The following VWA8 variants were observed in gnomAD, a reference collection of about 807,000 sequenced individuals.
The protein encoded by VWA8 is von Willebrand factor A domain-containing protein 8.
In VWA8, 221 loss-of-function variants were observed where a neutral mutation model predicts 241.5. That is an observed-to-expected ratio of 0.91 (90% CI 0.82 to 1.02). VWA8 has a LOEUF of 1.02. Among genes scored for constraint, VWA8 ranks in the 50% least tolerant of loss-of-function variants. The pLI, the probability that VWA8 is intolerant of heterozygous loss-of-function variation, is 0.00. For synonymous variants in VWA8, 852 were observed against 827.1 expected (o/e 1.03, Z -0.52); for missense variants, 2,322 against 2,328.7 (o/e 1.00, Z 0.06).
chr13:41,590,829 T>C (rs2044449990), intron 40 of VWA8, 64 bp from the exon 41 acceptor site: 3 of 1,580,750 alleles, frequency 1.9e-6, no homozygotes, highest in Admixed American at 1.7e-5. Context: ...TGACATACTT[T>C]GTGCATGAAT....
In VWA8 at chr13:41,881,371, C is replaced by G. The variant is rs1190067143; in HGVS notation, c.1080+2016G>C. ...ACTAGAACATCATAGTTTTTTTTTGCCGGGGGGGGGGGGGGGGGGGTAAGG... is the reference window on the plus strand; with the variant it reads ...ACTAGAACATCATAGTTTTTTTTTGGCGGGGGGGGGGGGGGGGGGGTAAGG... On this transcript the variant is annotated intron_variant, in intron 9 of 44. Coordinates refer to ENST00000379310, the MANE Select transcript of VWA8 (RefSeq NM_015058.2). Among the ~76,000 whole-genome samples the G allele has an allele frequency of 8.5e-3, 93 of 10,922 alleles. 2 individuals are homozygous for G. The highest frequency in any genetic ancestry group is 0.02 in the African/African-American group (82 of 4,150). The allele number at this position is 10,922 out of a possible 152,430, so 7.2% of individuals were successfully genotyped here. A position where few individuals can be genotyped will look rare whatever the true frequency, so the allele number is the denominator to read the frequency against.
intron 26 of VWA8, among the ~76,000 whole-genome samples, chr13:41,709,214 G>C (rs1171951915): frequency 6.6e-6 from 1 of 152,148 alleles, no homozygotes; most frequent in East Asian, 1.9e-4. Context: ...TTCCTTACTA[G>C]AGTGTTAATG....
chr13:41,758,421 T>TGGA lies in VWA8; in HGVS notation c.2426+2706_2426+2707insTCC, dbSNP rs370975202. 5.9e-3 allele frequency among the ~76,000 whole-genome samples: 376 copies of TGGA among 64,192 alleles called. 38 individuals carry two copies. The highest frequency in any genetic ancestry group is 0.014 in the East Asian group (33 of 2,318). The allele number at this position is 64,192 out of a possible 152,430, so 42.1% of individuals were successfully genotyped here. A position where few individuals can be genotyped will look rare whatever the true frequency, so the allele number is the denominator to read the frequency against. ...TAGTATATATATATATATATATATA[T>TGGA]ATATATATACGCTAGTATATATATT... On this transcript the variant is annotated intron_variant, in intron 21 of 44. Coordinates refer to ENST00000379310, the MANE Select transcript of VWA8 (RefSeq NM_015058.2).
chr13:41,657,356 G>A (rs1008698871), intron 37 of VWA8, among the ~76,000 whole-genome samples: 2 of 151,868 alleles, frequency 1.3e-5, no homozygotes, highest in African/African-American at 4.8e-5. Context: ...AAGTTACTGT[G>A]AGCTGAATTT....
intron 12 of VWA8, 127 bp downstream of exon 12, chr13:41,865,609 A>G: frequency 3.3e-6 from 3 of 912,384 alleles, no homozygotes; most frequent in African/African-American, 1.7e-5. Context: ...GAATAATTTT[A>G]TTACTATTTT....
intron 1 of VWA8, among the ~76,000 whole-genome samples, chr13:41,959,968 G>A (rs1450302340): frequency 6.6e-6 from 1 of 152,098 alleles, no homozygotes; most frequent in South Asian, 2.1e-4. Context: ...AGAGGACAAC[G>A]AAACCTACAA....
intron 2 of VWA8, among the ~76,000 whole-genome samples, chr13:41,932,793 C>T (rs896713037): frequency 6.6e-6 from 1 of 151,588 alleles, no homozygotes; most frequent in African/African-American, 2.4e-5. Context: ...AAACTCTAAG[C>T]AAACTATGAA....
At chr13:41,715,287 T>C (rs1566425827) in intron 26 of VWA8, among the ~76,000 whole-genome samples, 1 of 151,978 alleles carries the variant, frequency 6.6e-6, no homozygotes. Context: ...AACATTGTTG[T>C]TGTTATAATT....
chr13:41,918,482 T>G (rs1424160078), intron 2 of VWA8, among the ~76,000 whole-genome samples: 1 of 152,208 alleles, frequency 6.6e-6, no homozygotes, highest in Non-Finnish European at 1.5e-5. Context: ...TGCTTGTGTT[T>G]GTATAGAAAA....
chr13:41,603,563 G>A (rs2044535318), intron 40 of VWA8, among the ~76,000 whole-genome samples: 1 of 152,120 alleles, frequency 6.6e-6, no homozygotes, highest in African/African-American at 2.4e-5. Flanking sequence ...TTGTAGCACT[G>A]TGAATCCTCT....
chr13:41,729,449 A>T, intron 23 of VWA8, 93 bp downstream of exon 23: 1 of 1,275,680 alleles, frequency 7.8e-7, no homozygotes, highest in Non-Finnish European at 1.1e-6. Flanking sequence ...TATGCTTATT[A>T]TTGTAAATAA....
At chr13:41,899,952 C>T (rs1875340841) in intron 4 of VWA8, among the ~76,000 whole-genome samples, 1 of 152,190 alleles carries the variant, frequency 6.6e-6, no homozygotes, top group African/African-American at 2.4e-5. Context: ...TTCATACCTA[C>T]GTTTCATCTC....
chr13:41,717,848 T>C (rs965984862), intron 26 of VWA8, among the ~76,000 whole-genome samples: 2 of 152,064 alleles, frequency 1.3e-5, no homozygotes, highest in African/African-American at 2.4e-5. Context: ...CTATATGCGG[T>C]TGGGGGACAA....
chr13:41,817,098 T>C (rs1323286583), intron 15 of VWA8, among the ~76,000 whole-genome samples: 1 of 152,180 alleles, frequency 6.6e-6, no homozygotes, highest in African/African-American at 2.4e-5. Flanking sequence ...TAAAGAACTT[T>C]TCATGTATCA....
intron 21 of VWA8, among the ~76,000 whole-genome samples, chr13:41,755,444 A>G: frequency 6.6e-6 from 1 of 152,162 alleles, no homozygotes; most frequent in South Asian, 2.1e-4. Flanking sequence ...ACTATTATCA[A>G]TCAATAATAT....
At chr13:41,929,891 C>T (rs1169054238) in intron 2 of VWA8, among the ~76,000 whole-genome samples, 1 of 152,034 alleles carries the variant, frequency 6.6e-6, no homozygotes, top group Non-Finnish European at 1.5e-5. Context: ...AGTGAGACTA[C>T]ATAAAACTAA....
Position 41,960,894 on chromosome 13 carries a change from G to C in VWA8, c.122C>G (p.Pro41Arg). ...QRRPGGDRQR[P>R]EVRLLHAGSG... is the part of the protein sequence containing the mutation. ...GCCGGCGTGCAACAGTCTGACCTCCGGCCGCTGCCTGTCGCCACCCGGCCT... is the reference window on the plus strand; with the variant it reads ...GCCGGCGTGCAACAGTCTGACCTCCCGCCGCTGCCTGTCGCCACCCGGCCT... Residue 41 changes from proline (P) to arginine (R), a missense_variant, in exon 1 of 45, where the codon CCG (proline) becomes CGG (arginine). By Grantham distance (103) the Pro-to-Arg change is moderately radical. Coordinates refer to ENST00000379310, the MANE Select transcript of VWA8 (RefSeq NM_015058.2). The C allele has an allele frequency of 6.6e-7, 1 of 1,513,868 alleles. No individual in the cohort carries two copies. Among genetic ancestry groups the C allele is most frequent in the Non-Finnish European group, 8.8e-7 (1 of 1,137,374 alleles). 93.8% of individuals were successfully genotyped at this position (1,513,868 alleles called of 1,614,324 possible). A position where few individuals can be genotyped will look rare whatever the true frequency, so the allele number is the denominator to read the frequency against.
At chr13:41,833,573 T>C (rs1260862263) in intron 12 of VWA8, 42 bp from the exon 13 acceptor site, 52 of 1,537,034 alleles carry the variant, frequency 3.4e-5, no homozygotes, top group Non-Finnish European at 4.2e-5. Flanking sequence ...CATGACGAAT[T>C]AATTTTTAAG....
intron 4 of VWA8, among the ~76,000 whole-genome samples, chr13:41,898,280 T>C (rs1296946018): frequency 3.3e-5 from 5 of 152,018 alleles, no homozygotes; most frequent in Non-Finnish European, 5.9e-5. Flanking sequence ...AGGGTGCTGA[T>C]TGGTGTGTTT....
Sources: gnomAD v4.1 joint callset for allele counts (sites outside exome capture counted in the v4.1 genomes callset) on GRCh38, gnomAD v4.1.1 for gene constraint, MANE v1.5 for transcripts, NCBI Gene and HGNC (gene_info 2026-07-23, HGNC 2026-07-21) for gene names.